The following IFIH1 variants were observed in gnomAD, a reference collection of about 807,000 sequenced individuals.
The protein encoded by IFIH1 is interferon induced with helicase C domain 1.
IFIH1 carries 125 observed loss-of-function variants against 107.4 expected under a neutral mutation model. The ratio of observed to expected loss-of-function variants is 1.16; its 90% CI spans 1.01 to 1.35. The LOEUF is 1.35. IFIH1 is among the 40% of genes most tolerant of loss of function. The pLI is 0.00. For missense variants in IFIH1, 1,333 were observed against 1,213.7 expected (o/e 1.10, Z -1.46); for synonymous variants, 458 against 413.2 (o/e 1.11, Z -1.31).
At chr2:162,316,609 C>G (rs1683491328) in intron 1 of IFIH1, among the ~76,000 whole-genome samples, 1 of 151,984 alleles carries the variant, frequency 6.6e-6, no homozygotes, top group South Asian at 2.1e-4. Context: ...ATCAAATGCC[C>G]AGAAGTTTGT....
intron 3 of IFIH1, among the ~76,000 whole-genome samples, chr2:162,301,998 T>C (rs1355366325): frequency 5.9e-5 from 9 of 152,122 alleles, no homozygotes; most frequent in Non-Finnish European, 5.9e-5. Context: ...TGAGAAGCAA[T>C]TGATTTGTAA....
intron 3 of IFIH1, among the ~76,000 whole-genome samples, chr2:162,294,135 G>T (rs1683045337): frequency 6.6e-6 from 1 of 151,870 alleles, no homozygotes; most frequent in African/African-American, 2.4e-5. Flanking sequence ...TGATAGTTTG[G>T]TGATAAACAT....
intron 11 of IFIH1, among the ~76,000 whole-genome samples, chr2:162,275,213 G>C (rs949994862): frequency 6.6e-6 from 1 of 152,166 alleles, no homozygotes; most frequent in African/African-American, 2.4e-5. Flanking sequence ...AATATGTTCT[G>C]TATTTTGGCA....
chr2:162,315,355 G>T (rs1219796134), intron 1 of IFIH1, among the ~76,000 whole-genome samples: 1 of 152,100 alleles, frequency 6.6e-6, no homozygotes, highest in Non-Finnish European at 1.5e-5. Flanking sequence ...ATCCTAGTTA[G>T]GTTCTGGGAT....
intron 11 of IFIH1, 122 bp from the exon 12 acceptor site, chr2:162,274,066 G>T: frequency 1.6e-6 from 1 of 612,636 alleles, no homozygotes; most frequent in Non-Finnish European, 2.7e-6. Context: ...ATCATACATG[G>T]ATTTGTTGCC....
At chr2:162,287,645 C>T (rs1426432513) in intron 5 of IFIH1, among the ~76,000 whole-genome samples, 5 of 151,854 alleles carry the variant, frequency 3.3e-5, no homozygotes, top group Non-Finnish European at 5.9e-5. Context: ...AATTTTATCT[C>T]CAAACCACAT....
chr2:162,284,818 A>G (rs10179671), intron 5 of IFIH1, among the ~76,000 whole-genome samples: 22,188 of 151,698 alleles, frequency 0.15, 3,864 homozygotes, highest in African/African-American at 0.4. Flanking sequence ...GACAAGATCT[A>G]CATTTGATTT....
At chr2:162,286,092 T>C (rs1682888721) in intron 5 of IFIH1, among the ~76,000 whole-genome samples, 1 of 151,894 alleles carries the variant, frequency 6.6e-6, no homozygotes, top group South Asian at 2.1e-4. Flanking sequence ...CATTTAAGAG[T>C]GTCCCAGAAA....
rs561269119 is a variant in IFIH1, at chr2:162,295,091, T to A, written c.770-1423A>T. ...ATACAGTTTTGCAACTTTGAAGAGG[T>A]TGACATATGTATACAGTTACGCAAC... On this transcript the variant is annotated intron_variant, in intron 3 of 15. Coordinates refer to ENST00000649979, the MANE Select transcript of IFIH1 (RefSeq NM_022168.4). Among the ~76,000 whole-genome samples, 14 of 152,096 alleles carry A rather than the reference T, an allele frequency of 9.2e-5. No individual in the cohort carries two copies. In the South Asian group the frequency reaches 2.7e-3, roughly 29 times the overall value.
chr2:162,270,499 C>T (rs191406839), intron 13 of IFIH1, among the ~76,000 whole-genome samples: 6 of 152,256 alleles, frequency 3.9e-5, no homozygotes, highest in South Asian at 4.1e-4. Context: ...ATGTAGCCCT[C>T]CTTCCCCATT....
chr2:162,277,803 T>A, intron 9 of IFIH1, 110 bp from the exon 10 acceptor site: 1 of 1,325,182 alleles, frequency 7.5e-7, no homozygotes, highest in South Asian at 1.6e-5. Flanking sequence ...TCACCTTGGT[T>A]TTAAAATGGG....
intron 3 of IFIH1, among the ~76,000 whole-genome samples, chr2:162,305,716 T>C (rs1683270330): frequency 6.6e-6 from 1 of 152,354 alleles, no homozygotes; most frequent in African/African-American, 2.4e-5. Context: ...CCACAGCCAT[T>C]ACAAAAATTA....
In IFIH1 at chr2:162,282,568, T is replaced by C. The variant is rs755263577; in HGVS notation, c.1104A>G (p.Leu368=). Residue 368 remains leucine, a synonymous_variant, in exon 6 of 16, where the codon CTA becomes CTG. Transcript: ENST00000649979. ...ACTCCTTGCGGAAGAGCTGTTCAAC[T>C]AGCAGTACCTTAAAAAAATGTGAAG... is the stretch of plus-strand genomic sequence containing the variant. The part of the protein sequence containing the change: ...KVIVLVNKVL[L]VEQLFRKEFQ... The C allele has an allele frequency of 6.3e-7, 1 of 1,599,140 alleles. No homozygotes were observed. The highest frequency in any genetic ancestry group is 1.7e-4 in the Middle Eastern group (1 of 5,918).
In IFIH1 at chr2:162,310,837, C is replaced by A. The variant is rs769298583; in HGVS notation, c.550G>T (p.Val184Phe). ...KENWFSAFLNVLRQTGNNELV... is the reference protein window; with the variant it reads ...KENWFSAFLNFLRQTGNNELV... ...TCATTGTTTCCTGTTTGACGAAGAA[C>A]ATTCAGAAATGCAGAGAACCAGTTT... The change falls in exon 2 of 16, where the codon GTT (valine) becomes TTT (phenylalanine). Residue 184 changes from valine to phenylalanine, a missense_variant. By Grantham distance (50) the Val-to-Phe change is conservative. Coordinates refer to ENST00000649979, the MANE Select transcript of IFIH1 (RefSeq NM_022168.4). 6.2e-7 allele frequency: 1 copy of A among 1,613,560 alleles called. No individual in the cohort carries two copies. The highest frequency in any genetic ancestry group is 8.5e-7 in the Non-Finnish European group (1 of 1,179,590).
chr2:162,313,321 C>T (rs1291992197), intron 1 of IFIH1, among the ~76,000 whole-genome samples: 3 of 152,174 alleles, frequency 2.0e-5, no homozygotes, highest in South Asian at 2.1e-4. Flanking sequence ...ACATTTGAGA[C>T]TGCAACAAGT....
chr2:162,279,215 TAGC>T (rs1682764985), intron 8 of IFIH1, among the ~76,000 whole-genome samples: 1 of 152,086 alleles, frequency 6.6e-6, no homozygotes, highest in African/African-American at 2.4e-5. Flanking sequence ...CTGGAGTAGA[TAGC>T]AGTCTTTTTC....
chr2:162,280,289 T>A (rs1682783249), intron 7 of IFIH1, among the ~76,000 whole-genome samples, 177 bp from the exon 8 acceptor site: 1 of 152,050 alleles, frequency 6.6e-6, no homozygotes, highest in Admixed American at 6.6e-5. Context: ...ATTTTAACAT[T>A]GTTTTATTAT....
intron 3 of IFIH1, among the ~76,000 whole-genome samples, chr2:162,301,693 G>A (rs2105221758): frequency 6.6e-6 from 1 of 152,268 alleles, no homozygotes; most frequent in East Asian, 1.9e-4. Flanking sequence ...TAAAATATTT[G>A]CTATATAGAA....
chr2:162,281,424 T>C lies in IFIH1; in HGVS notation c.1428A>G (p.Lys476=), dbSNP rs756928642. 1.9e-6 allele frequency: 3 copies of C among 1,612,806 alleles called. No individual in the cohort carries two copies. Among genetic ancestry groups the C allele is most frequent in the Non-Finnish European group, 2.5e-6 (3 of 1,179,170 alleles). The change falls in exon 7 of 16, where the codon AAA becomes AAG. Residue 476 remains lysine (K), a synonymous_variant. Coordinates refer to ENST00000649979, the MANE Select transcript of IFIH1 (RefSeq NM_022168.4). The stretch of plus-strand genomic sequence containing the variant: ...GTATCTGAGGAAGGGGAATCACTGG[T>C]TTGTTTTCTTTCTTGAGTCTATTGT... ...LKNNRLKKEN[K]PVIPLPQILG... is the part of the protein sequence containing the mutation.
Sources: allele counts gnomAD v4.1 joint callset (sites outside exome capture counted in the v4.1 genomes callset), GRCh38; gene constraint gnomAD v4.1.1; transcripts MANE v1.5; gene names NCBI Gene and HGNC (gene_info 2026-07-23, HGNC 2026-07-21).